Variants in PTPRG observed in about 807,000 individuals in gnomAD.
PTPRG encodes the protein receptor-type tyrosine-protein phosphatase gamma.
PTPRG carries 102 observed loss-of-function variants against 165.3 expected under a neutral mutation model. The observed-to-expected ratio is 0.62, with a 90% CI of 0.53 to 0.73. The LOEUF (loss-of-function observed/expected upper bound fraction) is 0.73, where lower values mean the gene tolerates loss of function less well. Ranked by LOEUF, PTPRG falls within the 30% of genes least tolerant of loss-of-function variation. The pLI is 0.00. For missense variants in PTPRG, 1,866 were observed against 1,861.4 expected (o/e 1.00, Z -0.05); for synonymous variants, 675 against 669.5 (o/e 1.01, Z -0.13).
chr3:61,785,577 G>C (rs2034671434), intron 2 of PTPRG, among the ~76,000 whole-genome samples: 1 of 152,116 alleles, frequency 6.6e-6, no homozygotes, highest in African/African-American at 2.4e-5. Context: ...GCTCTATTCT[G>C]CTGCCGTAGA....
intron 5 of PTPRG, among the ~76,000 whole-genome samples, chr3:62,122,883 T>C (rs1027497500): frequency 3.3e-5 from 5 of 152,048 alleles, no homozygotes; most frequent in African/African-American, 1.2e-4. Flanking sequence ...AGGAAAATGG[T>C]GTTGTGTGGG....
chr3:61,747,755 T>C (rs1051275218), intron 1 of PTPRG, among the ~76,000 whole-genome samples: 1 of 152,230 alleles, frequency 6.6e-6, no homozygotes, highest in African/African-American at 2.4e-5. Context: ...ATCTTTGTCT[T>C]CAATTGAATA....
intron 2 of PTPRG, among the ~76,000 whole-genome samples, chr3:61,933,065 C>T (rs908424859): frequency 8.5e-5 from 13 of 152,146 alleles, no homozygotes; most frequent in African/African-American, 3.1e-4. Flanking sequence ...GCCTCTGCTG[C>T]GATCCTGTGA....
intron 1 of PTPRG, among the ~76,000 whole-genome samples, chr3:61,599,683 G>A (rs964039290): frequency 2.7e-5 from 4 of 150,794 alleles, no homozygotes; most frequent in Non-Finnish European, 5.9e-5. Context: ...TAGTAGAGAC[G>A]GGGTTTTGCT....
chr3:61,571,538 T>C (rs1700055926), intron 1 of PTPRG, among the ~76,000 whole-genome samples: 1 of 152,186 alleles, frequency 6.6e-6, no homozygotes, highest in African/African-American at 2.4e-5. Context: ...TAGGATTTTA[T>C]TTGGTTACGT....
intron 2 of PTPRG, among the ~76,000 whole-genome samples, chr3:61,922,765 T>C (rs1210458023): frequency 6.6e-6 from 1 of 152,168 alleles, no homozygotes; most frequent in Non-Finnish European, 1.5e-5. Flanking sequence ...TTCAGCCTCC[T>C]GAATAGCTGG....
chr3:61,739,182 C>G (rs2032888967), intron 1 of PTPRG: 1 of 151,740 alleles, frequency 6.6e-6, no homozygotes, highest in Non-Finnish European at 1.5e-5. Context: ...AAATCTGTTC[C>G]TGGTTGTGAT....
At chr3:61,791,590 C>T (rs1456610818) in intron 2 of PTPRG, among the ~76,000 whole-genome samples, 1 of 152,136 alleles carries the variant, frequency 6.6e-6, no homozygotes, top group Admixed American at 6.5e-5. Context: ...CAGGTTCAAG[C>T]GATTCTCCTG....
chr3:62,057,491 T>C (rs1700670860), intron 4 of PTPRG, among the ~76,000 whole-genome samples: 1 of 152,276 alleles, frequency 6.6e-6, no homozygotes, highest in Admixed American at 6.5e-5. Flanking sequence ...GGTGTTACCA[T>C]GTCCGCACAT....
chr3:61,999,883 C>A (rs374149540), intron 3 of PTPRG, among the ~76,000 whole-genome samples: 1 of 152,158 alleles, frequency 6.6e-6, no homozygotes, highest in African/African-American at 2.4e-5. Flanking sequence ...GTTATATTAG[C>A]ACCCAACTAT....
At chr3:61,993,106 G>C (rs953003520) in intron 3 of PTPRG, among the ~76,000 whole-genome samples, 2 of 151,392 alleles carry the variant, frequency 1.3e-5, no homozygotes, top group South Asian at 4.2e-4. Context: ...AATTAGGGTG[G>C]GGTTGATAAT....
intron 5 of PTPRG, among the ~76,000 whole-genome samples, chr3:62,125,397 T>G (rs1703251087): frequency 6.6e-6 from 1 of 152,114 alleles, no homozygotes; most frequent in Non-Finnish European, 1.5e-5. Context: ...GTAAATGGAG[T>G]GCCCCTGAGT....
chr3:62,255,087 T>G lies in PTPRG; in HGVS notation c.2468-37T>G. The G allele has an allele frequency of 6.4e-7, 1 of 1,553,130 alleles. No homozygotes were observed. On this transcript the variant is annotated intron_variant, in intron 15 of 29. Coordinates refer to ENST00000474889, the MANE Select transcript of PTPRG (RefSeq NM_002841.4). The surrounding 1 kb of genome is among the most constrained non-coding windows in gnomAD (Gnocchi z 4.0). The stretch of plus-strand genomic sequence containing the variant: ...CAGTGTAATTTGTTTTATGGAAGTA[T>G]TCTATGTAACTTTGAATATTATTTT...
At chr3:61,917,703 G>A (rs980514201) in intron 2 of PTPRG, among the ~76,000 whole-genome samples, 6 of 152,202 alleles carry the variant, frequency 3.9e-5, no homozygotes, top group Admixed American at 1.3e-4. Flanking sequence ...GCTGAGGCAG[G>A]CGGATCACCT....
chr3:61,867,625 T>C (rs1379595990), intron 2 of PTPRG, among the ~76,000 whole-genome samples: 1 of 152,140 alleles, frequency 6.6e-6, no homozygotes, highest in East Asian at 1.9e-4. Context: ...AAATGGGATC[T>C]CAGGGCATGG....
At chr3:62,267,357 C>G (rs1163377884) in intron 17 of PTPRG, 53 bp from the exon 18 acceptor site, 9 of 1,309,946 alleles carry the variant, frequency 6.9e-6, no homozygotes. Flanking sequence ...TAGAATGGTG[C>G]TAGTTTCTGA....
rs928618531 is a variant in PTPRG, at chr3:61,768,406, A to G, written c.190+19424A>G. ...GCCTCTGGGAGTAGAGTTTCTCTGC[A>G]CAAAAAGAATGTCATCAGTACAGAA... is the stretch of plus-strand genomic sequence containing the variant. On this transcript the variant is annotated intron_variant, in intron 2 of 29. Transcript: ENST00000474889. Among the ~76,000 whole-genome samples the G allele has an allele frequency of 2.6e-5, 4 of 152,326 alleles. No individual in the cohort carries two copies. The East Asian group carries it at 7.7e-4, about 29-fold the overall frequency.
intron 5 of PTPRG, among the ~76,000 whole-genome samples, chr3:62,126,527 C>A (rs1703298188): frequency 6.6e-6 from 1 of 152,166 alleles, no homozygotes; most frequent in South Asian, 2.1e-4. Flanking sequence ...TTCTCATTTG[C>A]CGATGGAAAC....
At chr3:61,989,475 G>A in intron 2 of PTPRG, 150 bp from the exon 3 acceptor site, 2 of 669,156 alleles carry the variant, frequency 3.0e-6, no homozygotes. Flanking sequence ...TGTCACATCA[G>A]GCCAATGGCT....
Sources: allele counts gnomAD v4.1 joint callset (sites outside exome capture counted in the v4.1 genomes callset), GRCh38; gene constraint gnomAD v4.1.1; non-coding constraint Gnocchi (gnomAD v3.1); transcripts MANE v1.5; gene names NCBI Gene and HGNC (gene_info 2026-07-23, HGNC 2026-07-21).